FOLH1: variants seen among roughly 807,000 people sequenced by gnomAD.
FOLH1 encodes glutamate carboxypeptidase 2.
Under a neutral mutation model 93.9 loss-of-function variants are expected in FOLH1, and 54 were observed. The ratio of observed to expected loss-of-function variants is 0.57; its 90% CI spans 0.46 to 0.72. FOLH1 has a LOEUF of 0.72. Ranked by LOEUF, FOLH1 falls within the 30% of genes least tolerant of loss-of-function variation. The pLI, the probability that FOLH1 is intolerant of heterozygous loss-of-function variation, is 0.00. For missense variants in FOLH1, 571 were observed against 892.5 expected (o/e 0.64, Z 4.59); for synonymous variants, 249 against 303.6 (o/e 0.82, Z 1.87).
chr11:49,157,101 TGTACATAATAGA>T (rs1857118622), intron 14 of FOLH1, among the ~76,000 whole-genome samples: 1 of 152,096 alleles, frequency 6.6e-6, no homozygotes, highest in Non-Finnish European at 1.5e-5. Context: ...CTTTATTTGT[TGTACATAATAGA>T]GTGAAAAGCA....
chr11:49,160,989 C>T (rs1857636559), intron 13 of FOLH1, among the ~76,000 whole-genome samples: 1 of 151,854 alleles, frequency 6.6e-6, no homozygotes, highest in Non-Finnish European at 1.5e-5. Context: ...CACGGCAGTA[C>T]AAGAGACGTT....
chr11:49,158,115 A>G, intron 13 of FOLH1, 72 bp from the exon 14 acceptor site: 2 of 1,408,870 alleles, frequency 1.4e-6, no homozygotes, highest in Non-Finnish European at 1.9e-6. Context: ...TCCATTAACC[A>G]GAAGTGAGTA....
rs770894245 is a variant in FOLH1 at position 49,185,818 on chromosome 11, A to G, written c.677T>C (p.Ile226Thr). 7 of 1,593,034 alleles carry G rather than the reference A, an allele frequency of 4.4e-6. No individual in the cohort carries two copies. The highest frequency in any genetic ancestry group is 3.4e-6 in the Non-Finnish European group (4 of 1,171,942). The change falls in exon 6 of 19, where the codon ATT (isoleucine) becomes ACT (threonine). Residue 226 changes from isoleucine to threonine, a missense_variant. Physicochemically the swap from Ile to Thr is moderately conservative, Grantham distance 89. This residue lies in a region of FOLH1 where 500 missense variants were observed against 822.9 expected (regional missense o/e 0.61). Coordinates refer to ENST00000256999, the MANE Select transcript of FOLH1 (RefSeq NM_004476.3). Reference protein sequence around the residue: ...NAQLAGAKGVILYSDPADYFA... With the variant: ...NAQLAGAKGVTLYSDPADYFA... The stretch of plus-strand genomic sequence containing the variant: ...GTAGTCAGCAGGGTCGGAGTAGAGA[A>G]TGACTCCTTTGGCCCCTGCCAGCTG...
intron 17 of FOLH1, among the ~76,000 whole-genome samples, chr11:49,151,429 G>C (rs368725485): frequency 6.6e-5 from 10 of 151,504 alleles, no homozygotes; most frequent in Non-Finnish European, 1.0e-4. Flanking sequence ...CACACACACA[G>C]ACACACACAC....
chr11:49,195,871 A>G (rs773992048), intron 3 of FOLH1, among the ~76,000 whole-genome samples: 4 of 152,180 alleles, frequency 2.6e-5, no homozygotes, highest in Non-Finnish European at 5.9e-5. Context: ...TTTTTAAAAA[A>G]TCGGCCAGGC....
At chr11:49,185,914 T>C in intron 5 of FOLH1, 59 bp from the exon 6 acceptor site, 2 of 1,492,664 alleles carry the variant, frequency 1.3e-6, no homozygotes, top group Non-Finnish European at 1.8e-6. Flanking sequence ...GATTCGGTAA[T>C]ATCAATTTTC....
At chr11:49,185,963 A>G (rs1861314537) in intron 5 of FOLH1, 108 bp from the exon 6 acceptor site, 1 of 1,331,932 alleles carries the variant, frequency 7.5e-7, no homozygotes, top group Non-Finnish European at 9.9e-7. Flanking sequence ...TTTATCTTCA[A>G]CCTTTTCTCA....
chr11:49,186,073 T>C (rs1209070216), intron 5 of FOLH1: 4 of 748,520 alleles, frequency 5.3e-6, no homozygotes, highest in Non-Finnish European at 7.3e-6. Context: ...GAAATGTTCT[T>C]ATTAGTGGTA....
rs140204056 is a variant in FOLH1, at chr11:49,156,794, C to T, written c.1546G>A (p.Gly516Arg). The change falls in exon 15 of 19, where the codon GGA (glycine) becomes AGA (arginine). Residue 516 changes from glycine (G) to arginine (R), a missense_variant. By Grantham distance (125) the Gly-to-Arg change is moderately radical. Around this residue, in one of 2 missense-constraint regions of FOLH1, gnomAD observed 500 missense variants for 822.9 expected, o/e 0.61. Transcript: ENST00000256999. ...AACACCTCAAAATCATTTCCAGATC[C>T]CAATTTGCTTATCCTTTTAGAGATA... is the stretch of plus-strand genomic sequence containing the variant. ...FSGMPRISKL[G>R]SGNDFEVFFQ... The T allele has an allele frequency of 2.7e-5, 44 of 1,612,286 alleles. No individual in the cohort carries two copies. The highest frequency in any genetic ancestry group is 3.4e-5 in the Non-Finnish European group (40 of 1,178,894).
chr11:49,176,322 C>T (rs1290686457), intron 7 of FOLH1, among the ~76,000 whole-genome samples: 2 of 152,138 alleles, frequency 1.3e-5, no homozygotes, highest in Non-Finnish European at 2.9e-5. Context: ...CTGAAATTTT[C>T]CATTCTTATT....
At chr11:49,170,768 C>G (rs1279744326) in intron 11 of FOLH1, among the ~76,000 whole-genome samples, 2 of 152,148 alleles carry the variant, frequency 1.3e-5, no homozygotes, top group African/African-American at 4.8e-5. Flanking sequence ...TTGAATCAGA[C>G]AAGATTCTCC....
intron 3 of FOLH1, among the ~76,000 whole-genome samples, chr11:49,193,736 C>G (rs6485967): frequency 9.9e-4 from 150 of 152,056 alleles, no homozygotes; most frequent in African/African-American, 3.5e-3. Context: ...AGAGGTAGCA[C>G]GAAATTTGGC....
At chr11:49,156,603 C>T in intron 15 of FOLH1, 114 bp downstream of exon 15, 1 of 989,206 alleles carries the variant, frequency 1.0e-6, no homozygotes, top group East Asian at 2.6e-5. Context: ...ACTTCTCCCT[C>T]TGCTTTCAAA....
At chr11:49,174,477 AT>A (rs1859753950) in intron 9 of FOLH1, among the ~76,000 whole-genome samples, 1 of 152,214 alleles carries the variant, frequency 6.6e-6, no homozygotes, top group Non-Finnish European at 1.5e-5. Context: ...GAAAGGATTC[AT>A]TAATACAAGA....
At chr11:49,197,030 C>T (rs1862697591) in intron 3 of FOLH1, among the ~76,000 whole-genome samples, 1 of 152,192 alleles carries the variant, frequency 6.6e-6, no homozygotes, top group Non-Finnish European at 1.5e-5. Flanking sequence ...CGACTTGCCA[C>T]ATCCCCACAT....
At chr11:49,183,086 C>A (rs1247276998) in intron 7 of FOLH1, 63 bp downstream of exon 7, 1 of 1,417,786 alleles carries the variant, frequency 7.1e-7, no homozygotes, top group Non-Finnish European at 9.7e-7. Context: ...AAAAGCCTAA[C>A]ATTTGAAAAC....
chr11:49,206,172 C>G lies in FOLH1; in HGVS notation c.119G>C (p.Gly40Ala). ...TTCATTGGAGGATTTTATAAACCAC[C>G]CTGAAAAATACATCCAAAAATAGGC... is the stretch of plus-strand genomic sequence containing the variant. ...GGFFLLGFLF[G>A]WFIKSSNEAT... Residue 40 changes from glycine to alanine, a missense_variant and splice_region_variant, in exon 2 of 19, where the codon GGG becomes GCG. Coordinates refer to ENST00000256999, the MANE Select transcript of FOLH1 (RefSeq NM_004476.3). The G allele has an allele frequency of 1.9e-6, 3 of 1,610,692 alleles. No individual in the cohort carries two copies. The highest frequency in any genetic ancestry group is 2.5e-6 in the Non-Finnish European group (3 of 1,178,510).
intron 3 of FOLH1, among the ~76,000 whole-genome samples, chr11:49,199,220 C>G (rs1181226573): frequency 1.3e-5 from 2 of 152,148 alleles, no homozygotes; most frequent in African/African-American, 4.8e-5. Flanking sequence ...AAGGAACTTA[C>G]CTAAATAGAA....
chr11:49,198,252 C>T (rs1244611238), intron 3 of FOLH1, among the ~76,000 whole-genome samples: 4 of 152,134 alleles, frequency 2.6e-5, no homozygotes, highest in Non-Finnish European at 4.4e-5. Flanking sequence ...GAGGCCGAGG[C>T]GGGTGGATAA....
Sources: gnomAD v4.1 joint callset for allele counts (sites outside exome capture counted in the v4.1 genomes callset) on GRCh38, gnomAD v4.1.1 for gene constraint, gnomAD v4.1.1 regional missense constraint, MANE v1.5 for transcripts, NCBI Gene and HGNC (gene_info 2026-07-23, HGNC 2026-07-21) for gene names.